The following MDGA2 variants were observed in gnomAD, a reference collection of about 807,000 sequenced individuals.
MDGA2 encodes MAM domain containing glycosylphosphatidylinositol anchor 2, also known as MAM domain-containing glycosylphosphatidylinositol anchor protein 2.
A neutral mutation model predicts 117.8 loss-of-function variants in MDGA2; 40 were observed. That is an observed-to-expected ratio of 0.34 (90% confidence interval 0.26 to 0.44). The LOEUF (loss-of-function observed/expected upper bound fraction) is 0.44. Among genes scored for constraint, MDGA2 ranks in the 20% least tolerant of loss-of-function variants. The pLI is 1.00. For synonymous variants in MDGA2, 452 were observed against 439.0 expected (o/e 1.03, Z -0.37); for missense variants, 1,123 against 1,250.6 (o/e 0.90, Z 1.54).
chr14:46,844,436 C>T (rs1415184977), intron 16 of MDGA2, among the ~76,000 whole-genome samples: 1 of 151,862 alleles, frequency 6.6e-6, no homozygotes, highest in Non-Finnish European at 1.5e-5. Flanking sequence ...AAAAAATTAG[C>T]GGGGTGTGGT....
At chr14:47,041,377 T>C in intron 7 of MDGA2, among the ~76,000 whole-genome samples, 1 of 152,130 alleles carries the variant, frequency 6.6e-6, no homozygotes. Context: ...AATGAAAACG[T>C]ATCAAATTTA....
intron 5 of MDGA2, among the ~76,000 whole-genome samples, chr14:47,104,945 T>G (rs1442488252): frequency 1.3e-5 from 2 of 152,086 alleles, no homozygotes; most frequent in Non-Finnish European, 2.9e-5. Context: ...TTCAATTCCT[T>G]TCATTTTCTG....
At chr14:46,885,099 A>G (rs758347686) in intron 10 of MDGA2, among the ~76,000 whole-genome samples, 1 of 151,964 alleles carries the variant, frequency 6.6e-6, no homozygotes, top group Non-Finnish European at 1.5e-5. Context: ...CACCCAACTC[A>G]GCCTCCTGAA....
intron 3 of MDGA2, among the ~76,000 whole-genome samples, chr14:47,206,541 G>T (rs1177993243): frequency 6.6e-6 from 1 of 151,856 alleles, no homozygotes; most frequent in Non-Finnish European, 1.5e-5. Flanking sequence ...CAGTAAGTTA[G>T]GATCACTCCA....
At chr14:47,125,063 T>C (rs1353819661) in intron 5 of MDGA2, among the ~76,000 whole-genome samples, 8 of 152,154 alleles carry the variant, frequency 5.3e-5, no homozygotes, top group Admixed American at 1.3e-4. Flanking sequence ...TTAACTAGCA[T>C]ATCTAGATTC....
At chr14:47,187,549 G>A (rs944637024) in intron 3 of MDGA2, among the ~76,000 whole-genome samples, 8 of 151,920 alleles carry the variant, frequency 5.3e-5, no homozygotes, top group Non-Finnish European at 7.4e-5. Context: ...GTTAATATGT[G>A]ACTCTAGTTC....
intron 1 of MDGA2, chr14:47,343,222 T>C (rs1890685883): frequency 1.8e-6 from 2 of 1,142,776 alleles, no homozygotes; most frequent in Non-Finnish European, 1.1e-6. Flanking sequence ...TTTTTTTGTT[T>C]GTTTGTTTTT....
At chr14:47,236,134 T>C (rs1451487010) in intron 2 of MDGA2, among the ~76,000 whole-genome samples, 1 of 151,622 alleles carries the variant, frequency 6.6e-6, no homozygotes, top group Non-Finnish European at 1.5e-5. Flanking sequence ...CTACTAAAAA[T>C]ACAAAAATTA....
intron 9 of MDGA2, among the ~76,000 whole-genome samples, chr14:46,929,100 A>T (rs1261821669): frequency 6.6e-6 from 1 of 152,106 alleles, no homozygotes; most frequent in African/African-American, 2.4e-5. Flanking sequence ...TACAGTTTGC[A>T]GTGTATTGTT....
chr14:47,614,478 C>G (rs1315077268), intron 1 of MDGA2, among the ~76,000 whole-genome samples: 1 of 152,192 alleles, frequency 6.6e-6, no homozygotes, highest in African/African-American at 2.4e-5. Flanking sequence ...ACACCCAATA[C>G]TGGCCTTCCA....
chr14:47,578,786 CATT>C (rs1461271529), intron 1 of MDGA2, among the ~76,000 whole-genome samples: 2 of 152,120 alleles, frequency 1.3e-5, no homozygotes, highest in African/African-American at 2.4e-5. Context: ...TCATAACTAT[CATT>C]GTTAGAGGCT....
At position 47,155,534 on chromosome 14, in the gene MDGA2, G is replaced by A. The variant is rs181409962; in HGVS notation, c.596-11260C>T. On this transcript the variant is annotated intron_variant, in intron 3 of 16. Coordinates refer to ENST00000399232, the MANE Select transcript of MDGA2 (RefSeq NM_001113498.3). ...CTGCAGTGAAAGCCGCTTGCAGTAC[G>A]CCTGCTCCAGCTGCGGCCTAGCAGG... is the stretch of plus-strand genomic sequence containing the variant. 9.2e-5 allele frequency among the ~76,000 whole-genome samples: 14 copies of A among 152,164 alleles called. No individual in the cohort carries two copies. The East Asian group carries it at 2.3e-3, about 25-fold the overall frequency.
intron 5 of MDGA2, among the ~76,000 whole-genome samples, chr14:47,104,146 T>G (rs185085865): frequency 7.9e-4 from 121 of 152,320 alleles, no homozygotes; most frequent in African/African-American, 2.8e-3. Context: ...AAAGTTACAT[T>G]CTTCAGTAAA....
At chr14:47,627,454 G>C (rs1483527934) in intron 1 of MDGA2, among the ~76,000 whole-genome samples, 2 of 152,092 alleles carry the variant, frequency 1.3e-5, no homozygotes, top group Admixed American at 6.5e-5. Flanking sequence ...CTCAAGGTTT[G>C]TGAATGCACC....
chr14:47,076,397 C>T (rs1890492420), intron 6 of MDGA2, among the ~76,000 whole-genome samples: 1 of 151,908 alleles, frequency 6.6e-6, no homozygotes, highest in South Asian at 2.1e-4. Flanking sequence ...ATCAAAATGA[C>T]ACATTTTTCT....
chr14:47,622,155 T>G (rs527339635), intron 1 of MDGA2, among the ~76,000 whole-genome samples: 3 of 152,276 alleles, frequency 2.0e-5, no homozygotes, highest in East Asian at 3.9e-4. Flanking sequence ...AGTTACTTAA[T>G]AAATACATAT....
In MDGA2 at chr14:47,379,092, T is replaced by C. The variant is rs199692433; in HGVS notation, c.281-77542A>G. ...TTCTTAAAGAAAAGAATTTTCAACC[T>C]AGAATTTCATATCCAGCCAAACTAA... is the stretch of plus-strand genomic sequence containing the variant. On this transcript the variant is annotated intron_variant, in intron 1 of 16. Coordinates refer to ENST00000399232, the MANE Select transcript of MDGA2 (RefSeq NM_001113498.3). Among the ~76,000 whole-genome samples the C allele has an allele frequency of 3.8e-3, 576 of 152,266 alleles. 16 individuals are homozygous for C. The East Asian group carries it at 0.083, about 22-fold the overall frequency.
intron 1 of MDGA2, among the ~76,000 whole-genome samples, chr14:47,435,272 T>C (rs565346260): frequency 1.3e-5 from 2 of 152,190 alleles, no homozygotes; most frequent in Non-Finnish European, 2.9e-5. Flanking sequence ...CTCTTAAATA[T>C]ACCCAATTCT....
intron 1 of MDGA2, among the ~76,000 whole-genome samples, chr14:47,437,125 C>T (rs1466216735): frequency 1.3e-5 from 2 of 151,946 alleles, no homozygotes; most frequent in African/African-American, 4.8e-5. Flanking sequence ...CCTCTAAACT[C>T]ACCTCTGTGA....
Sources: gnomAD v4.1 joint callset for allele counts (sites outside exome capture counted in the v4.1 genomes callset) on GRCh38, gnomAD v4.1.1 for gene constraint, MANE v1.5 for transcripts, NCBI Gene and HGNC (gene_info 2026-07-23, HGNC 2026-07-21) for gene names.